SPTA1: variants seen among roughly 807,000 people sequenced by gnomAD.
SPTA1 encodes the protein spectrin alpha chain, erythrocytic 1.
SPTA1 carries 177 observed loss-of-function variants against 324.7 expected under a neutral mutation model. The ratio of observed to expected loss-of-function variants is 0.55; its 90% CI spans 0.48 to 0.62. The LOEUF (loss-of-function observed/expected upper bound fraction) is 0.62. SPTA1 is among the 20% of genes least tolerant of loss of function. The pLI, the probability that SPTA1 is intolerant of heterozygous loss-of-function variation, is 0.00. For synonymous variants in SPTA1, 1,195 were observed against 1,041.3 expected, an observed-to-expected ratio of 1.15 and a Z score of -2.84; for missense variants, 3,162 against 2,883.6, an observed-to-expected ratio of 1.10 and a Z score of -2.21.
At chr1:158,679,138 G>A (rs972371035) in intron 5 of SPTA1, among the ~76,000 whole-genome samples, 2 of 151,504 alleles carry the variant, frequency 1.3e-5, no homozygotes, top group Non-Finnish European at 2.9e-5. Context: ...ATTCCCATAT[G>A]CCTAAGTCTC....
At chr1:158,624,141 G>C (rs921109905) in intron 42 of SPTA1, among the ~76,000 whole-genome samples, 1 of 152,232 alleles carries the variant, frequency 6.6e-6, no homozygotes, top group Non-Finnish European at 1.5e-5. Flanking sequence ...GTCTACTGCA[G>C]GGGCAGAGTC....
In SPTA1 at chr1:158,647,520, G is replaced by A. The variant is rs76879596; in HGVS notation, c.3896+19C>T. 4,765 of 1,612,528 alleles carry A rather than the reference G, an allele frequency of 3.0e-3. 116 individuals are homozygous for A. In the African/African-American group the frequency reaches 0.054, roughly 18 times the overall value. The stretch of plus-strand genomic sequence containing the variant: ...GTCTACTTAGAGGCCAGACACGGAA[G>A]TTACCCACCCCACTCTACCTGGCCT... On this transcript the variant is annotated intron_variant, in intron 27 of 51. Coordinates refer to ENST00000643759, the MANE Select transcript of SPTA1 (RefSeq NM_003126.4).
At chr1:158,674,253 T>A in intron 10 of SPTA1, 76 bp downstream of exon 10, 1 of 1,388,082 alleles carries the variant, frequency 7.2e-7, no homozygotes, top group Non-Finnish European at 1.0e-6. Flanking sequence ...CATTTAGAGA[T>A]TATCATATTA....
chr1:158,639,726 A>G (rs763298615), intron 34 of SPTA1, 40 bp from the exon 35 acceptor site: 6 of 1,612,984 alleles, frequency 3.7e-6, no homozygotes, highest in Non-Finnish European at 4.2e-6. Flanking sequence ...GCCAGGTGAA[A>G]CTGCCTTTAA....
At chr1:158,668,269 G>C (rs1349581251) in intron 14 of SPTA1, among the ~76,000 whole-genome samples, 2 of 152,080 alleles carry the variant, frequency 1.3e-5, no homozygotes, top group Non-Finnish European at 2.9e-5. Context: ...AACTAAGCTG[G>C]CAATTTTTTT....
chr1:158,616,209 G>A (rs1649548762), intron 47 of SPTA1, among the ~76,000 whole-genome samples: 1 of 151,974 alleles, frequency 6.6e-6, no homozygotes, highest in Non-Finnish European at 1.5e-5. Context: ...AGTATATGTT[G>A]GATGTCTATT....
intron 14 of SPTA1, 148 bp from the exon 15 acceptor site, chr1:158,668,210 G>C (rs1653754455): frequency 1.1e-6 from 1 of 930,242 alleles, no homozygotes; most frequent in Middle Eastern, 3.4e-4. Flanking sequence ...TCCAACGTTT[G>C]AGAAATTCAT....
intron 18 of SPTA1, among the ~76,000 whole-genome samples, chr1:158,661,038 G>A (rs1315545377): frequency 6.6e-6 from 1 of 152,114 alleles, no homozygotes; most frequent in African/African-American, 2.4e-5. Context: ...TAATGATTAG[G>A]ATAAAGACAT....
intron 21 of SPTA1, 91 bp from the exon 22 acceptor site, chr1:158,653,516 A>G (rs963853687): frequency 1.9e-4 from 291 of 1,563,986 alleles, no homozygotes; most frequent in Non-Finnish European, 1.6e-4. Flanking sequence ...TGGCCCAGGC[A>G]CAGGTTAATG....
intron 25 of SPTA1, 44 bp downstream of exon 25, chr1:158,649,812 G>A: frequency 1.4e-6 from 2 of 1,474,966 alleles, no homozygotes; most frequent in Non-Finnish European, 1.9e-6. Context: ...AGTTTAGTGA[G>A]TGGGTTTTAA....
chr1:158,652,394 A>G (rs1357004343), intron 23 of SPTA1, 73 bp downstream of exon 23: 1 of 1,528,956 alleles, frequency 6.5e-7, no homozygotes, highest in East Asian at 2.3e-5. Flanking sequence ...AATAAATTAA[A>G]AGATCATGTA....
chr1:158,627,569 G>A, intron 40 of SPTA1, 56 bp downstream of exon 40: 1 of 1,507,426 alleles, frequency 6.6e-7, no homozygotes, highest in Non-Finnish European at 9.2e-7. Context: ...TTCTACATTT[G>A]GGCCAGTCCC....
chr1:158,655,069 G>C (rs540624464), intron 20 of SPTA1, among the ~76,000 whole-genome samples: 2 of 152,198 alleles, frequency 1.3e-5, no homozygotes, highest in Admixed American at 1.3e-4. Flanking sequence ...CCCTTAAGAA[G>C]GTCCAACAGG....
chr1:158,635,774 C>A, intron 38 of SPTA1, 139 bp downstream of exon 38: 1 of 1,281,044 alleles, frequency 7.8e-7, no homozygotes, highest in East Asian at 2.4e-5. Context: ...GTAAACTTGT[C>A]ATTTGAGAAG....
chr1:158,683,532 GCA>G lies in SPTA1; in HGVS notation c.265-38_265-37del, dbSNP rs3831477. 2.0e-4 allele frequency: 330 copies of G among 1,611,444 alleles called. 1 individual carries two copies. In the East Asian group the frequency reaches 7.1e-3, roughly 35 times the overall value. ...GAAATCAGAGTTTTTGTCTAATGAAGCACAGTCTTCATGGGAAATGTTCACTC... is the reference window on the plus strand; with the variant it reads ...GAAATCAGAGTTTTTGTCTAATGAAGCAGTCTTCATGGGAAATGTTCACTC... On this transcript the variant is annotated intron_variant, in intron 2 of 51. Coordinates refer to ENST00000643759, the MANE Select transcript of SPTA1 (RefSeq NM_003126.4).
intron 21 of SPTA1, 123 bp downstream of exon 21, chr1:158,654,488 T>C: frequency 2.2e-6 from 3 of 1,355,588 alleles, no homozygotes; most frequent in Non-Finnish European, 3.0e-6. Context: ...TCAGTTATAG[T>C]TATTCAAGAA....
chr1:158,671,333 A>G lies in SPTA1; in HGVS notation c.1599+10T>C. On this transcript the variant is annotated intron_variant, in intron 12 of 51. Coordinates refer to ENST00000643759, the MANE Select transcript of SPTA1 (RefSeq NM_003126.4). Reference sequence around the variant, plus strand: ...GGGAGCCAATGCCCAAACTAGGGCCAATTTCTTACTATGATCTTCTCTTCC... The same window carrying G: ...GGGAGCCAATGCCCAAACTAGGGCCGATTTCTTACTATGATCTTCTCTTCC... 1 of 1,611,656 alleles carries G rather than the reference A, an allele frequency of 6.2e-7. No individual in the cohort carries two copies. The highest frequency in any genetic ancestry group is 8.5e-7 in the Non-Finnish European group (1 of 1,178,218).
At position 158,681,401 on chromosome 1, in the gene SPTA1, T is replaced by A. The variant is rs1654797939; in HGVS notation, c.531+126A>T. 12 of 1,505,786 alleles carry A rather than the reference T, an allele frequency of 8.0e-6. No homozygotes were observed. The East Asian group carries it at 2.7e-4, about 34-fold the overall frequency. The allele number at this position is 1,505,786 out of a possible 1,614,324, so 93.3% of individuals were successfully genotyped here. A position where few individuals can be genotyped will look rare whatever the true frequency, so the allele number is the denominator to read the frequency against. Reference sequence around the variant, plus strand: ...ACATTTTGGCCCCAATTTCCTCTTGTTCCAAAGAACAAAGCCAGGAACAGA... The same window carrying A: ...ACATTTTGGCCCCAATTTCCTCTTGATCCAAAGAACAAAGCCAGGAACAGA... On this transcript the variant is annotated intron_variant, in intron 4 of 51. Transcript: ENST00000643759.
At chr1:158,622,634 C>T (rs192279083) in intron 43 of SPTA1, 335 of 289,636 alleles carry the variant, frequency 1.2e-3, no homozygotes, top group African/African-American at 6.9e-3. Context: ...TTGTCCAGTG[C>T]TCCTTTTATT....
Sources: gnomAD v4.1 joint callset for allele counts (sites outside exome capture counted in the v4.1 genomes callset) on GRCh38, gnomAD v4.1.1 for gene constraint, MANE v1.5 for transcripts, NCBI Gene and HGNC (gene_info 2026-07-23, HGNC 2026-07-21) for gene names.